Variants in LUZP2 observed in about 807,000 individuals in gnomAD.
The protein encoded by LUZP2 is leucine zipper protein 2.
A neutral mutation model predicts 51.6 loss-of-function variants in LUZP2; 52 were observed. The observed-to-expected ratio is 1.01, with a 90% CI of 0.81 to 1.27. The LOEUF is 1.27. LUZP2 is among the 50% of genes most tolerant of loss of function. The pLI, the probability that LUZP2 is intolerant of heterozygous loss-of-function variation, is 0.00. For synonymous variants in LUZP2, 154 were observed against 137.3 expected, an observed-to-expected ratio of 1.12 and a Z score of -0.85; for missense variants, 436 against 395.4, an observed-to-expected ratio of 1.10 and a Z score of -0.87.
At chr11:25,062,627 A>C (rs949786681) in intron 10 of LUZP2, among the ~76,000 whole-genome samples, 8 of 149,432 alleles carry the variant, frequency 5.4e-5, no homozygotes, top group African/African-American at 2.0e-4. Flanking sequence ...AGGAAAGGAA[A>C]CCAGCAAAAT....
At chr11:24,892,396 C>T (rs1431420444) in intron 5 of LUZP2, 1 of 984,394 alleles carries the variant, frequency 1.0e-6, no homozygotes, top group South Asian at 4.7e-5. Flanking sequence ...CAATTATACC[C>T]AGTGATGTCT....
At chr11:24,703,396 T>G (rs1280181030) in intron 1 of LUZP2, among the ~76,000 whole-genome samples, 1 of 152,092 alleles carries the variant, frequency 6.6e-6, no homozygotes, top group East Asian at 1.9e-4. Flanking sequence ...AGAGAGAAAG[T>G]GATGTGGAGT....
intron 5 of LUZP2, among the ~76,000 whole-genome samples, chr11:24,782,200 A>G (rs1849114863): frequency 6.6e-6 from 1 of 152,100 alleles, no homozygotes; most frequent in South Asian, 2.1e-4. Flanking sequence ...AAGCCTGGCA[A>G]TCTGTTGACT....
intron 5 of LUZP2, among the ~76,000 whole-genome samples, chr11:24,788,340 C>T (rs1370411400): frequency 6.6e-6 from 1 of 151,908 alleles, no homozygotes; most frequent in African/African-American, 2.4e-5. Flanking sequence ...CAGGTGTGCA[C>T]CACCATACCC....
At chr11:24,907,200 G>A (rs1333550095) in intron 6 of LUZP2, among the ~76,000 whole-genome samples, 2 of 150,790 alleles carry the variant, frequency 1.3e-5, no homozygotes, top group Non-Finnish European at 2.9e-5. Flanking sequence ...TCTGGAAAAT[G>A]TCACTAGGTC....
intron 1 of LUZP2, among the ~76,000 whole-genome samples, chr11:24,562,964 C>A (rs925744432): frequency 2.6e-5 from 4 of 151,836 alleles, no homozygotes; most frequent in Non-Finnish European, 4.4e-5. Context: ...AGTAGATAAG[C>A]AACTAGGCTT....
chr11:24,711,396 G>A (rs1040933911), intron 1 of LUZP2, among the ~76,000 whole-genome samples: 3 of 152,020 alleles, frequency 2.0e-5, no homozygotes, highest in South Asian at 2.1e-4. Context: ...CTTGCAGTGA[G>A]CCGAGATGGT....
At chr11:24,874,827 G>T (rs547043212) in intron 5 of LUZP2, among the ~76,000 whole-genome samples, 3 of 152,226 alleles carry the variant, frequency 2.0e-5, no homozygotes, top group Non-Finnish European at 4.4e-5. Flanking sequence ...TATTTTAAGA[G>T]TTAAGATCCA....
At chr11:25,049,063 T>TA (rs1858406158) in intron 9 of LUZP2, among the ~76,000 whole-genome samples, 1 of 152,208 alleles carries the variant, frequency 6.6e-6, no homozygotes, top group Admixed American at 6.5e-5. Context: ...CTAAAGAACG[T>TA]ACTTGCCTGT....
chr11:24,562,476 A>T (rs1852075879), intron 1 of LUZP2, among the ~76,000 whole-genome samples: 1 of 151,604 alleles, frequency 6.6e-6, no homozygotes, highest in Admixed American at 6.6e-5. Context: ...TAAGGAAAAA[A>T]AAAGAAAAGA....
chr11:24,897,964 C>T (rs754137601), intron 5 of LUZP2, among the ~76,000 whole-genome samples: 2 of 152,066 alleles, frequency 1.3e-5, no homozygotes, highest in Non-Finnish European at 2.9e-5. Flanking sequence ...GAAAAAAATA[C>T]ATTGGCAGTT....
intron 1 of LUZP2, among the ~76,000 whole-genome samples, chr11:24,640,957 GTATAGATATAGATATAGA>G (rs72192382): frequency 0.017 from 2,474 of 145,276 alleles, 75 homozygotes; most frequent in African/African-American, 0.048. Flanking sequence ...ATCTATATCT[GTATAGATATAGATATAGA>G]TATAGATATA....
At chr11:24,549,913 C>T (rs964621301) in intron 1 of LUZP2, among the ~76,000 whole-genome samples, 1 of 151,896 alleles carries the variant, frequency 6.6e-6, no homozygotes, top group Non-Finnish European at 1.5e-5. Flanking sequence ...AAAATTACTG[C>T]TCTTTAGAAT....
At chr11:24,570,347 A>T (rs560163032) in intron 1 of LUZP2, among the ~76,000 whole-genome samples, 44 of 152,012 alleles carry the variant, frequency 2.9e-4, no homozygotes, top group Non-Finnish European at 5.3e-4. Flanking sequence ...GATGAGCCTG[A>T]TATTTGCACC....
intron 5 of LUZP2, among the ~76,000 whole-genome samples, chr11:24,830,478 G>A (rs146144274): frequency 2.5e-3 from 387 of 152,188 alleles, no homozygotes; most frequent in African/African-American, 8.9e-3. Context: ...TCTCCAAAAC[G>A]GGGCACCTTG....
At chr11:24,567,876 G>A (rs1852294278) in intron 1 of LUZP2, among the ~76,000 whole-genome samples, 2 of 151,998 alleles carry the variant, frequency 1.3e-5, no homozygotes, top group African/African-American at 2.4e-5. Flanking sequence ...TACAATACAG[G>A]AATTATAATC....
At chr11:24,913,571 CTG>C (rs1332332771) in intron 6 of LUZP2, among the ~76,000 whole-genome samples, 1 of 151,954 alleles carries the variant, frequency 6.6e-6, no homozygotes, top group Non-Finnish European at 1.5e-5. Context: ...TTATCAGAAA[CTG>C]TCAGTTTCCC....
chr11:24,873,572 T>A (rs1852151458), intron 5 of LUZP2, among the ~76,000 whole-genome samples: 1 of 152,172 alleles, frequency 6.6e-6, no homozygotes, highest in Admixed American at 6.5e-5. Context: ...TAGTGAACCT[T>A]CTCTGATAAA....
intron 1 of LUZP2, among the ~76,000 whole-genome samples, chr11:24,622,139 A>G (rs1259593260): frequency 6.6e-6 from 1 of 150,984 alleles, no homozygotes; most frequent in African/African-American, 2.4e-5. Flanking sequence ...TAATGTTATT[A>G]TTATTATACT....
Sources: gnomAD v4.1 joint callset for allele counts (sites outside exome capture counted in the v4.1 genomes callset) on GRCh38, gnomAD v4.1.1 for gene constraint, MANE v1.5 for transcripts, NCBI Gene and HGNC (gene_info 2026-07-23, HGNC 2026-07-21) for gene names.